Variants in PPEF2 observed in about 807,000 individuals in gnomAD.
PPEF2 encodes serine/threonine-protein phosphatase with EF-hands 2.
Under a neutral mutation model 84.7 loss-of-function variants are expected in PPEF2, and 84 were observed. The ratio of observed to expected loss-of-function variants is 0.99; its 90% CI spans 0.83 to 1.19. The LOEUF (loss-of-function observed/expected upper bound fraction) is 1.19, where lower values mean the gene tolerates loss of function less well. PPEF2 is among the 50% of genes most tolerant of loss of function. PPEF2 has a pLI of 0.00. For missense variants in PPEF2, 924 were observed against 937.5 expected, an observed-to-expected ratio of 0.99 and a Z score of 0.19; for synonymous variants, 346 against 345.2, an observed-to-expected ratio of 1.00 and a Z score of -0.03.
chr4:75,871,975 A>T, intron 13 of PPEF2, 50 bp downstream of exon 13: 2 of 1,512,698 alleles, frequency 1.3e-6, no homozygotes, highest in East Asian at 2.3e-5. Flanking sequence ...CAAAGATTCT[A>T]TGAACACTAT....
At chr4:75,885,390 C>T (rs1351131376) in intron 7 of PPEF2, among the ~76,000 whole-genome samples, 4 of 152,134 alleles carry the variant, frequency 2.6e-5, no homozygotes, top group African/African-American at 7.2e-5. Flanking sequence ...CTCAACGATC[C>T]TCCCACTTTA....
Position 75,902,413 on chromosome 4 carries a change from A to T in PPEF2, c.-242T>A, listed in dbSNP as rs956267145. ...CTAGTCTGCCATGTCTTCTTCCTGA[A>T]AAGCAATGGTGACATTCACAGCCCT... On this transcript the variant is annotated 5_prime_UTR_variant, in exon 1 of 17. Coordinates refer to ENST00000286719, the MANE Select transcript of PPEF2 (RefSeq NM_006239.3). The T allele has an allele frequency of 1.3e-5, 2 of 152,270 alleles. No homozygotes were observed. The highest frequency in any genetic ancestry group is 4.8e-5 in the African/African-American group (2 of 41,472). The allele number at this position is 152,270 out of a possible 1,614,324, so 9.4% of individuals were successfully genotyped here.
intron 15 of PPEF2, 67 bp from the exon 16 acceptor site, chr4:75,864,594 C>T: frequency 8.4e-7 from 1 of 1,193,040 alleles, no homozygotes; most frequent in Non-Finnish European, 1.2e-6. Context: ...ATAATTAACA[C>T]ACAATCAACC....
At chr4:75,885,445 C>T (rs1560485712) in intron 7 of PPEF2, among the ~76,000 whole-genome samples, 1 of 152,170 alleles carries the variant, frequency 6.6e-6, no homozygotes, top group African/African-American at 2.4e-5. Context: ...CTGCACCTGG[C>T]CCCTTCTAGT....
intron 8 of PPEF2, among the ~76,000 whole-genome samples, chr4:75,883,820 A>G: frequency 7.0e-6 from 1 of 143,040 alleles, no homozygotes; most frequent in South Asian, 2.2e-4. Flanking sequence ...TCCGTCACAA[A>G]AAAAAAAAAA....
At chr4:75,871,450 G>A (rs1410522681) in intron 13 of PPEF2, among the ~76,000 whole-genome samples, 1 of 151,906 alleles carries the variant, frequency 6.6e-6, no homozygotes, top group Non-Finnish European at 1.5e-5. Context: ...CAGCCATGGA[G>A]AATAATTTCT....
In PPEF2 at chr4:75,873,158, G is replaced by A. The variant is rs140504760; in HGVS notation, c.1475C>T (p.Pro492Leu). Residue 492 changes from proline (P) to leucine (L), a missense_variant, in exon 12 of 17, where the codon CCT (proline) becomes CTT (leucine). Pro to Leu is a moderately conservative substitution (Grantham distance 98, BLOSUM62 -3). Transcript: ENST00000286719. ...QFLIRSHECK[P>L]EGYEFCHNRK... is the part of the protein sequence containing the mutation. ...GTTGTGACAGAATTCATAGCCTTCA[G>A]GTTTGCATTCATGTGAACGGATCAG... 129 of 1,614,152 alleles carry A rather than the reference G, an allele frequency of 8.0e-5. No homozygotes were observed. The African/African-American group carries it at 1.6e-3, about 20-fold the overall frequency.
intron 13 of PPEF2, among the ~76,000 whole-genome samples, chr4:75,871,318 A>T (rs1357977236): frequency 6.6e-6 from 1 of 152,228 alleles, no homozygotes; most frequent in Non-Finnish European, 1.5e-5. Flanking sequence ...AAATCTCCAG[A>T]CAGTGAAAGA....
chr4:75,898,849 CT>C (rs1345877716), intron 1 of PPEF2, among the ~76,000 whole-genome samples: 2 of 152,114 alleles, frequency 1.3e-5, no homozygotes, highest in Non-Finnish European at 2.9e-5. Context: ...TTTATTATTT[CT>C]TTGTTATGAG....
intron 13 of PPEF2, among the ~76,000 whole-genome samples, chr4:75,867,892 T>C (rs1213681714): frequency 2.0e-5 from 3 of 152,176 alleles, no homozygotes; most frequent in Admixed American, 2.0e-4. Flanking sequence ...GAAGGCAAAA[T>C]TTATGAATAA....
In PPEF2 at chr4:75,867,346, T is replaced by A. The variant is rs17000961; in HGVS notation, c.1723A>T (p.Ser575Cys). The A allele has an allele frequency of 0.023, 36,655 of 1,613,714 alleles. 6,521 individuals are homozygous for A. In the African/African-American group the frequency reaches 0.41, roughly 18 times the overall value. The change falls in exon 14 of 17, where the codon AGT becomes TGT. Residue 575 changes from serine (S) to cysteine (C), a missense_variant. Physicochemically the swap from Ser to Cys is moderately radical, Grantham distance 112. Transcript: ENST00000286719. ...TCTGCATCATGCTTCTTAAATTCAC[T>A]GAGAAGATCTGAAGAATGAGCAAAC... ...KLFAHSSDLL[S>C]EFKKHDADKV...
chr4:75,900,504 T>A (rs1725095967), intron 1 of PPEF2, among the ~76,000 whole-genome samples: 1 of 152,144 alleles, frequency 6.6e-6, no homozygotes, highest in East Asian at 1.9e-4. Flanking sequence ...GGAAAAGGGG[T>A]ACCTAGCTAC....
intron 16 of PPEF2, among the ~76,000 whole-genome samples, chr4:75,861,905 A>G (rs62321580): frequency 0.99 from 148,978 of 150,320 alleles, 73,840 homozygotes; most frequent in Middle Eastern, 1. Context: ...CACCGTGACT[A>G]GCCTATGCAA....
intron 12 of PPEF2, among the ~76,000 whole-genome samples, chr4:75,872,709 A>G (rs370125644): frequency 4.5e-4 from 68 of 152,356 alleles, no homozygotes; most frequent in African/African-American, 1.5e-3. Context: ...AACTTGTACA[A>G]TATAACCAGT....
Position 75,883,013 on chromosome 4 carries a change from A to C in PPEF2, c.846T>G (p.Thr282=), listed in dbSNP as rs778455241. 1.9e-6 allele frequency: 3 copies of C among 1,614,098 alleles called. No individual in the cohort carries two copies. The African/African-American group carries it at 4.0e-5, about 22-fold the overall frequency. ...GAATTAGAACTTTCTCATCTATCAG[A>C]GTGGCCAGTGGAAGCCAACAGAAAA... is the stretch of plus-strand genomic sequence containing the variant. The part of the protein sequence containing the change: ...QDVFCWLPLA[T]LIDEKVLILH... Residue 282 remains threonine (T), a synonymous_variant, in exon 10 of 17, where the codon ACT becomes ACG. Coordinates refer to ENST00000286719, the MANE Select transcript of PPEF2 (RefSeq NM_006239.3).
intron 10 of PPEF2, 120 bp from the exon 11 acceptor site, chr4:75,876,793 C>G: frequency 8.8e-7 from 1 of 1,134,820 alleles, no homozygotes; most frequent in Non-Finnish European, 1.2e-6. Flanking sequence ...AACACTCAAG[C>G]CCGGGAGTTC....
At chr4:75,869,228 G>A (rs1186647755) in intron 13 of PPEF2, among the ~76,000 whole-genome samples, 2 of 152,182 alleles carry the variant, frequency 1.3e-5, no homozygotes, top group Non-Finnish European at 2.9e-5. Context: ...GATGGAGTAG[G>A]GCAATGCCCT....
chr4:75,864,265 G>A (rs1398726090), intron 16 of PPEF2, among the ~76,000 whole-genome samples, 175 bp downstream of exon 16: 1 of 152,162 alleles, frequency 6.6e-6, no homozygotes, highest in Non-Finnish European at 1.5e-5. Flanking sequence ...TCTATGGGCT[G>A]CTGATACTAC....
In PPEF2 at chr4:75,891,678, C is replaced by T. The variant is rs145256944; in HGVS notation, c.211G>A (p.Asp71Asn). The change falls in exon 4 of 17, where the codon GAT becomes AAT. Residue 71 changes from aspartate (D) to asparagine (N), a missense_variant. By Grantham distance (23) the Asp-to-Asn change is conservative (BLOSUM62 1). Transcript: ENST00000286719. ...KLHDFFSYLM[D>N]HFIPSSHNDR... The stretch of plus-strand genomic sequence containing the variant: ...TTGTGGCTGCTGGGGATGAAGTGAT[C>T]CATGAGATAGCTGAAGAAGTCATGG... 311 of 1,611,594 alleles carry T rather than the reference C, an allele frequency of 1.9e-4. No individual in the cohort carries two copies. The highest frequency in any genetic ancestry group is 2.5e-4 in the Non-Finnish European group (297 of 1,179,058).
Sources: allele counts gnomAD v4.1 joint callset (sites outside exome capture counted in the v4.1 genomes callset), GRCh38; gene constraint gnomAD v4.1.1; transcripts MANE v1.5; gene names NCBI Gene and HGNC (gene_info 2026-07-23, HGNC 2026-07-21).